CSMD1: variants seen among roughly 807,000 people sequenced by gnomAD.
CSMD1 encodes CUB and sushi domain-containing protein 1.
Under a neutral mutation model 417.5 loss-of-function variants are expected in CSMD1, and 213 were observed. That is an observed-to-expected ratio of 0.51 (90% CI 0.46 to 0.57). The LOEUF is 0.57. Among genes scored for constraint, CSMD1 ranks in the 20% least tolerant of loss-of-function variants. CSMD1 has a pLI of 0.00. For synonymous variants in CSMD1, 2,862 were observed against 1,736.8 expected, an observed-to-expected ratio of 1.65 and a Z score of -16.11; for missense variants, 6,923 against 4,529.7, an observed-to-expected ratio of 1.53 and a Z score of -15.17.
Position 4,290,662 on chromosome 8 carries a change from T to C in CSMD1, c.415+129291A>G, listed in dbSNP as rs116978868. On this transcript the variant is annotated intron_variant, in intron 3 of 69. Transcript: ENST00000635120. Reference sequence around the variant, plus strand: ...GTGAGAAGTATATTCATAATTATGATCCAGGTTTAAGTAGCAGCTTCAACT... The same window carrying C: ...GTGAGAAGTATATTCATAATTATGACCCAGGTTTAAGTAGCAGCTTCAACT... Among the ~76,000 whole-genome samples, 302 of 152,322 alleles carry C rather than the reference T, an allele frequency of 2.0e-3. 10 individuals are homozygous for C. The East Asian group carries it at 0.054, about 27-fold the overall frequency.
chr8:4,340,782 G>A (rs1306492015), intron 3 of CSMD1, among the ~76,000 whole-genome samples: 2 of 152,012 alleles, frequency 1.3e-5, no homozygotes, highest in African/African-American at 2.4e-5. Flanking sequence ...AACTCATAAT[G>A]GTTGCTTCTA....
At chr8:4,459,325 G>C (rs554343591) in intron 2 of CSMD1, among the ~76,000 whole-genome samples, 1 of 152,150 alleles carries the variant, frequency 6.6e-6, no homozygotes, top group Admixed American at 6.5e-5. Flanking sequence ...ATGCCACCAG[G>C]AGCAAACCAA....
At position 3,857,055 on chromosome 8, in the gene CSMD1, C is replaced by A. The variant is rs567144187; in HGVS notation, c.819-103013G>T. On this transcript the variant is annotated intron_variant, in intron 5 of 69. Coordinates refer to ENST00000635120, the MANE Select transcript of CSMD1 (RefSeq NM_033225.6). ...ATATATCGAGGGCTTCTTGTATATC[C>A]CACACTTACTTCAGGAAAAAAAAAA... Among the ~76,000 whole-genome samples, 88 of 151,980 alleles carry A rather than the reference C, an allele frequency of 5.8e-4. No individual in the cohort carries two copies. The Middle Eastern group carries it at 0.01, about 18-fold the overall frequency.
At chr8:4,440,130 C>A (rs1191619063) in intron 2 of CSMD1, among the ~76,000 whole-genome samples, 1 of 152,218 alleles carries the variant, frequency 6.6e-6, no homozygotes, top group South Asian at 2.1e-4. Context: ...TAAAGTGCAG[C>A]TTTGGTGTAA....
chr8:4,902,366 G>C (rs11783218), intron 1 of CSMD1, among the ~76,000 whole-genome samples: 29,839 of 149,902 alleles, frequency 0.2, 3,046 homozygotes, highest in South Asian at 0.31. Context: ...GAGCCCAGGA[G>C]TTGAAGACTG....
At chr8:4,055,437 C>G (rs1398946073) in intron 3 of CSMD1, among the ~76,000 whole-genome samples, 1 of 151,766 alleles carries the variant, frequency 6.6e-6, no homozygotes, top group Non-Finnish European at 1.5e-5. Context: ...AAAATCAGAT[C>G]AGCATTTTGA....
intron 2 of CSMD1, among the ~76,000 whole-genome samples, chr8:4,450,508 G>A (rs1406843197): frequency 6.6e-6 from 1 of 151,960 alleles, no homozygotes; most frequent in African/African-American, 2.4e-5. Context: ...GGTGGTGCGG[G>A]CCTGTAGTGC....
intron 26 of CSMD1, among the ~76,000 whole-genome samples, chr8:3,268,289 ATTTTTTTTTTTTTT>A (rs1163842745): frequency 2.4e-5 from 2 of 84,274 alleles, no homozygotes; most frequent in East Asian, 3.5e-4. Flanking sequence ...TTCATTTCCT[ATTTTTTTTTTTTTT>A]TTTTTTTTTT....
chr8:3,177,695 G>C (rs909968628), intron 37 of CSMD1, among the ~76,000 whole-genome samples: 1 of 152,104 alleles, frequency 6.6e-6, no homozygotes, highest in Non-Finnish European at 1.5e-5. Context: ...CAGTCTCGGG[G>C]CCCGTGTGTT....
chr8:4,943,100 G>A (rs895871282), intron 1 of CSMD1, among the ~76,000 whole-genome samples: 4 of 152,160 alleles, frequency 2.6e-5, no homozygotes, highest in African/African-American at 9.7e-5. Flanking sequence ...TGACTCCATA[G>A]ATTTTACAAT....
At position 4,402,612 on chromosome 8, in the gene CSMD1, C is replaced by A. The variant is rs139556510; in HGVS notation, c.415+17341G>T. Reference sequence around the variant, plus strand: ...TGCTTTGAATATTACATTACTGCTCCCCATTCTTTAATCTTGCAAGACCTA... The same window carrying A: ...TGCTTTGAATATTACATTACTGCTCACCATTCTTTAATCTTGCAAGACCTA... On this transcript the variant is annotated intron_variant, in intron 3 of 69. Transcript: ENST00000635120. 2.4e-3 allele frequency among the ~76,000 whole-genome samples: 363 copies of A among 152,114 alleles called. 2 individuals carry two copies. The highest frequency in any genetic ancestry group is 8.4e-3 in the African/African-American group (348 of 41,500).
chr8:3,457,362 C>G (rs1479674125), intron 12 of CSMD1, among the ~76,000 whole-genome samples: 1 of 152,186 alleles, frequency 6.6e-6, no homozygotes, highest in Non-Finnish European at 1.5e-5. Context: ...CTAACTTCTT[C>G]AGTTTCTCTC....
chr8:4,699,770 G>C (rs546121593), intron 1 of CSMD1, among the ~76,000 whole-genome samples: 15 of 152,316 alleles, frequency 9.8e-5, no homozygotes, highest in Non-Finnish European at 1.9e-4. Flanking sequence ...TGGTTAGTTT[G>C]TCAGGAAAGG....
chr8:4,723,363 G>A (rs931860856), intron 1 of CSMD1, among the ~76,000 whole-genome samples: 4 of 152,056 alleles, frequency 2.6e-5, no homozygotes, highest in Non-Finnish European at 4.4e-5. Context: ...ACCGAGGTTC[G>A]CTCAACTCAT....
chr8:3,734,150 C>T (rs1043114067), intron 6 of CSMD1, among the ~76,000 whole-genome samples: 1 of 152,168 alleles, frequency 6.6e-6, no homozygotes, highest in Non-Finnish European at 1.5e-5. Flanking sequence ...TTTAAGGATA[C>T]TACCATTACC....
chr8:4,165,223 G>A (rs187912796), intron 3 of CSMD1, among the ~76,000 whole-genome samples: 268 of 152,318 alleles, frequency 1.8e-3, no homozygotes, highest in Non-Finnish European at 3.0e-3. Flanking sequence ...CCCTCCAGGT[G>A]TCACTGTTCT....
At chr8:4,928,192 C>T (rs577411067) in intron 1 of CSMD1, among the ~76,000 whole-genome samples, 1 of 152,254 alleles carries the variant, frequency 6.6e-6, no homozygotes, top group East Asian at 1.9e-4. Context: ...GCCTGGAGTG[C>T]CCGTCACCAA....
intron 11 of CSMD1, among the ~76,000 whole-genome samples, chr8:3,470,539 T>A (rs112906655): frequency 1.3e-5 from 2 of 152,292 alleles, no homozygotes; most frequent in East Asian, 3.9e-4. Flanking sequence ...ATTTTGTATG[T>A]ACATTTGTGC....
At chr8:3,728,734 C>A (rs1476585505) in intron 6 of CSMD1, among the ~76,000 whole-genome samples, 1 of 152,160 alleles carries the variant, frequency 6.6e-6, no homozygotes, top group African/African-American at 2.4e-5. Context: ...TGGGCATGGT[C>A]TGTCTTAAGT....
Sources: gnomAD v4.1 joint callset for allele counts (sites outside exome capture counted in the v4.1 genomes callset) on GRCh38, gnomAD v4.1.1 for gene constraint, MANE v1.5 for transcripts, NCBI Gene and HGNC (gene_info 2026-07-23, HGNC 2026-07-21) for gene names.